The following PIP5KL1 variants were observed in gnomAD, a reference collection of about 807,000 sequenced individuals.
PIP5KL1 encodes phosphatidylinositol-4-phosphate 5-kinase like 1.
In PIP5KL1, 45 loss-of-function variants were observed where a neutral mutation model predicts 47.6. The ratio of observed to expected loss-of-function variants is 0.94; its 90% CI spans 0.74 to 1.21. The LOEUF (loss-of-function observed/expected upper bound fraction) is 1.21, where lower values mean the gene tolerates loss of function less well. PIP5KL1 is among the 50% of genes most tolerant of loss of function. The probability of loss-of-function intolerance (pLI) is 0.00; values close to 1 mark genes in which losing one functional copy is unlikely to be tolerated. For synonymous variants in PIP5KL1, 256 were observed against 234.6 expected, an observed-to-expected ratio of 1.09 and a Z score of -0.84; for missense variants, 577 against 547.6, an observed-to-expected ratio of 1.05 and a Z score of -0.54.
chr9:127,922,063 C>A lies in PIP5KL1; in HGVS notation c.969G>T (p.Arg323=). The A allele has an allele frequency of 6.4e-7, 1 of 1,563,222 alleles. No individual in the cohort carries two copies. Among genetic ancestry groups the A allele is most frequent in the South Asian group, 1.2e-5 (1 of 85,652 alleles). The change falls in exon 10 of 10, where the codon CGG becomes CGT. Residue 323 remains arginine, a synonymous_variant. Transcript: ENST00000388747. ...SPEESRAQNR[R]LLPDAPNALH... ...GGGCGTTGGGGGCGTCGGGCAGCAG[C>A]CGGCGGTTTTGGGCTCTCGACTCTT...
At chr9:127,926,667 C>T (rs1003116633) in intron 7 of PIP5KL1, among the ~76,000 whole-genome samples, 7 of 152,278 alleles carry the variant, frequency 4.6e-5, no homozygotes, top group African/African-American at 1.7e-4. Context: ...CTGCCTGTGC[C>T]TGCCTCTGGA....
intron 9 of PIP5KL1, 133 bp downstream of exon 9, chr9:127,924,974 A>G (rs1831339089): frequency 1.6e-6 from 2 of 1,250,858 alleles, no homozygotes; most frequent in South Asian, 2.8e-5. Context: ...ACGCACACAC[A>G]CACACAAACT....
At chr9:127,925,846 G>A (rs1831354033) in intron 8 of PIP5KL1, 21 bp downstream of exon 8, 1 of 1,586,734 alleles carries the variant, frequency 6.3e-7, no homozygotes, top group Admixed American at 1.7e-5. Flanking sequence ...GGAACAGGCA[G>A]TGGCCACCCC....
Position 127,927,819 on chromosome 9 carries a change from G to A in PIP5KL1, c.435-47C>T. ...TCACTGCCCAGGCCTGGCTGGAGCG[G>A]CTCCCACCCGGCCCCCTTCCCCGAC... On this transcript the variant is annotated intron_variant, in intron 4 of 9. Coordinates refer to ENST00000388747, the MANE Select transcript of PIP5KL1 (RefSeq NM_001135219.2). The surrounding 1 kb of genome is among the most constrained non-coding windows in gnomAD (Gnocchi z 5.5). 6.5e-7 allele frequency: 1 copy of A among 1,530,436 alleles called. No homozygotes were observed. Among genetic ancestry groups the A allele is most frequent in the Non-Finnish European group, 8.8e-7 (1 of 1,142,646 alleles). The allele number at this position is 1,530,436 out of a possible 1,614,324, so 94.8% of individuals were successfully genotyped here.
At chr9:127,928,284 G>A in intron 3 of PIP5KL1, 65 bp from the exon 4 acceptor site, 1 of 1,534,468 alleles carries the variant, frequency 6.5e-7, no homozygotes. Flanking sequence ...AGTTGGTCCT[G>A]GGACAGGAGG....
In PIP5KL1 at chr9:127,927,856, G is replaced by C; in HGVS notation, c.435-84C>G. 1 of 1,506,252 alleles carries C rather than the reference G, an allele frequency of 6.6e-7. No homozygotes were observed. Among genetic ancestry groups the C allele is most frequent in the Non-Finnish European group, 8.8e-7 (1 of 1,134,076 alleles). The allele number at this position is 1,506,252 out of a possible 1,614,324, so 93.3% of individuals were successfully genotyped here. The stretch of plus-strand genomic sequence containing the variant: ...CCCCCTTCCCCGACCTGTGCACGTG[G>C]ATCTCGCTCCCAGGTCTCGGCACCG... On this transcript the variant is annotated intron_variant, in intron 4 of 9. Transcript: ENST00000388747. This position sits in a 1 kb window ranked among gnomAD's most constrained non-coding sequence, Gnocchi z 5.5.
At position 127,927,141 on chromosome 9, in the gene PIP5KL1, T is replaced by C. The variant is rs781741458; in HGVS notation, c.650+12A>G. 6.2e-7 allele frequency: 1 copy of C among 1,606,906 alleles called. No homozygotes were observed. Among genetic ancestry groups the C allele is most frequent in the Non-Finnish European group, 8.5e-7 (1 of 1,175,608 alleles). ...GCTGGGATGGGGGCCCAAACCTGCT[T>C]AGGCCACTCACCTCTCGGAGATGCG... On this transcript the variant is annotated intron_variant, in intron 7 of 9. Transcript: ENST00000388747. This position sits in a 1 kb window ranked among gnomAD's most constrained non-coding sequence, Gnocchi z 5.5.
chr9:127,921,751 C>T lies in PIP5KL1; in HGVS notation c.*96G>A. 1 of 1,438,330 alleles carries T rather than the reference C, an allele frequency of 7.0e-7. No individual in the cohort carries two copies. The highest frequency in any genetic ancestry group is 9.2e-7 in the Non-Finnish European group (1 of 1,088,048). The allele number at this position is 1,438,330 out of a possible 1,614,324, so 89.1% of individuals were successfully genotyped here. On this transcript the variant is annotated 3_prime_UTR_variant, in exon 10 of 10. Transcript: ENST00000388747. ...GGGGATGCTGCCCTCTGGCGACCAT[C>T]AGGAGGAAGCGCAGGCGAGATGCCC... is the stretch of plus-strand genomic sequence containing the variant.
Position 127,929,522 on chromosome 9 carries a change from G to A in PIP5KL1, c.228+166C>T, listed in dbSNP as rs549190093. On this transcript the variant is annotated intron_variant, in intron 2 of 9. Coordinates refer to ENST00000388747, the MANE Select transcript of PIP5KL1 (RefSeq NM_001135219.2). This position sits in a 1 kb window ranked among gnomAD's most constrained non-coding sequence, Gnocchi z 4.0. Reference sequence around the variant, plus strand: ...TCAGGGGGTTCCTCACACCCCCAACGCACCCCAGACGTTCCAGCTCCCACA... The same window carrying A: ...TCAGGGGGTTCCTCACACCCCCAACACACCCCAGACGTTCCAGCTCCCACA... 7.9e-5 allele frequency among the ~76,000 whole-genome samples: 12 copies of A among 151,818 alleles called. No individual in the cohort carries two copies. The highest frequency in any genetic ancestry group is 5.2e-4 in the Admixed American group (8 of 15,268).
In PIP5KL1 at chr9:127,928,055, G is replaced by T; in HGVS notation, c.434+10C>A. 5 of 1,060,414 alleles carry T rather than the reference G, an allele frequency of 4.7e-6. No individual in the cohort carries two copies. Among genetic ancestry groups the T allele is most frequent in the Non-Finnish European group, 6.7e-6 (5 of 742,438 alleles). 65.7% of individuals were successfully genotyped at this position (1,060,414 alleles called of 1,614,324 possible). A position where few individuals can be genotyped will look rare whatever the true frequency, so the allele number is the denominator to read the frequency against. ...CTCCCACCCCTGCCCCACCCCTGCCGCAAGCTCACGACAGGAAGAAGCTGG... is the reference window on the plus strand; with the variant it reads ...CTCCCACCCCTGCCCCACCCCTGCCTCAAGCTCACGACAGGAAGAAGCTGG... On this transcript the variant is annotated intron_variant, in intron 4 of 9. Coordinates refer to ENST00000388747, the MANE Select transcript of PIP5KL1 (RefSeq NM_001135219.2).
Position 127,927,194 on chromosome 9 carries a change from G to A in PIP5KL1, c.609C>T (p.Val203=). 6.2e-7 allele frequency: 1 copy of A among 1,613,188 alleles called. No individual in the cohort carries two copies. Among genetic ancestry groups the A allele is most frequent in the Non-Finnish European group, 8.5e-7 (1 of 1,179,636 alleles). ...CGGCGGGGTAGAAGACGCTCTGCATGACGATGAAGTACGTCTGGGGGCCGG... is the reference window on the plus strand; with the variant it reads ...CGGCGGGGTAGAAGACGCTCTGCATAACGATGAAGTACGTCTGGGGGCCGG... ...VDRGKKTYFI[V]MQSVFYPAGR... is the part of the protein sequence containing the mutation. Residue 203 remains valine (V), a synonymous_variant, in exon 7 of 10, where the codon GTC becomes GTT. Coordinates refer to ENST00000388747, the MANE Select transcript of PIP5KL1 (RefSeq NM_001135219.2). This position sits in a 1 kb window ranked among gnomAD's most constrained non-coding sequence, Gnocchi z 5.5.
rs1459707994 is a variant in PIP5KL1 at position 127,929,378 on chromosome 9, G to T, written c.228+310C>A. On this transcript the variant is annotated intron_variant, in intron 2 of 9. Transcript: ENST00000388747. The surrounding 1 kb of genome is among the most constrained non-coding windows in gnomAD (Gnocchi z 4.0). Reference sequence around the variant, plus strand: ...GGTCCCTTTTCAACCATATACCCTGGCAGGGCTGGGAGGGCCTCAGAAACC... The same window carrying T: ...GGTCCCTTTTCAACCATATACCCTGTCAGGGCTGGGAGGGCCTCAGAAACC... Among the ~76,000 whole-genome samples the T allele has an allele frequency of 6.6e-6, 1 of 151,940 alleles. No homozygotes were observed. The highest frequency in any genetic ancestry group is 1.5e-5 in the Non-Finnish European group (1 of 67,982).
chr9:127,924,427 G>T (rs966191510), intron 9 of PIP5KL1, among the ~76,000 whole-genome samples: 2 of 150,956 alleles, frequency 1.3e-5, no homozygotes, highest in Non-Finnish European at 3.0e-5. Flanking sequence ...AGAGGCGGAG[G>T]TTGTAGTGAG....
rs369606695 is a variant in PIP5KL1 at position 127,928,112 on chromosome 9, G to A, written c.387C>T (p.Tyr129=). The A allele has an allele frequency of 9.6e-6, 15 of 1,570,064 alleles. No homozygotes were observed. The African/African-American group carries it at 1.1e-4, about 11-fold the overall frequency. ...TCTTGGAGGTGCTGAGGAACTGCAGGTAGGGGCCGCCGGGGCCCAGGGCAG... is the reference window on the plus strand; with the variant it reads ...TCTTGGAGGTGCTGAGGAACTGCAGATAGGGGCCGCCGGGGCCCAGGGCAG... ...YQAALGPGGP[Y]LQFLSTSKSK... The change falls in exon 4 of 10, where the codon TAC becomes TAT. Residue 129 remains tyrosine (Y), a synonymous_variant. Coordinates refer to ENST00000388747, the MANE Select transcript of PIP5KL1 (RefSeq NM_001135219.2).
intron 9 of PIP5KL1, 90 bp from the exon 10 acceptor site, chr9:127,922,204 C>T: frequency 7.1e-7 from 1 of 1,401,522 alleles, no homozygotes; most frequent in Non-Finnish European, 9.4e-7. Context: ...GCCCACCCCT[C>T]CACCAGCTCA....
Position 127,927,632 on chromosome 9 carries a change from G to T in PIP5KL1, c.559+16C>A, listed in dbSNP as rs1330976540. On this transcript the variant is annotated intron_variant, in intron 5 of 9. Transcript: ENST00000388747. This position sits in a 1 kb window ranked among gnomAD's most constrained non-coding sequence, Gnocchi z 5.5. ...CTAGGACCCGCCCCCACCGAGCCCCGCCCCCAGCCAAGTACCCAGCAACCG... is the reference window on the plus strand; with the variant it reads ...CTAGGACCCGCCCCCACCGAGCCCCTCCCCCAGCCAAGTACCCAGCAACCG... 3 of 1,096,242 alleles carry T rather than the reference G, an allele frequency of 2.7e-6. No individual in the cohort carries two copies. The highest frequency in any genetic ancestry group is 4.4e-5 in the South Asian group (2 of 45,028). 67.9% of individuals were successfully genotyped at this position (1,096,242 alleles called of 1,614,324 possible).
Position 127,929,850 on chromosome 9 carries a change from T to C in PIP5KL1, c.66A>G (p.Ala22=). 1.3e-6 allele frequency: 2 copies of C among 1,543,866 alleles called. No individual in the cohort carries two copies. The highest frequency in any genetic ancestry group is 1.7e-6 in the Non-Finnish European group (2 of 1,145,344). Residue 22 remains alanine, a synonymous_variant, in exon 2 of 10, where the codon GCA becomes GCG. Coordinates refer to ENST00000388747, the MANE Select transcript of PIP5KL1 (RefSeq NM_001135219.2). The surrounding 1 kb of genome is among the most constrained non-coding windows in gnomAD (Gnocchi z 4.0). ...LAPSPEAGCR[A]VTSSRRGLLW... ...GAAGCCCCCGCCGGCTGGAGGTGAC[T>C]GCTCTGCATCCAGCCTCAGGGGAGG...
Position 127,921,812 on chromosome 9 carries a change from A to T in PIP5KL1, c.*35T>A, listed in dbSNP as rs1001035524. The stretch of plus-strand genomic sequence containing the variant: ...GAACCGGCGTTCCTGGCGTGAGCCC[A>T]TCGTCCAGATCCGGAGAGTGGGGCC... On this transcript the variant is annotated 3_prime_UTR_variant, in exon 10 of 10. Transcript: ENST00000388747. The T allele has an allele frequency of 6.5e-6, 10 of 1,546,420 alleles. No homozygotes were observed. The African/African-American group carries it at 1.1e-4, about 17-fold the overall frequency.
Position 127,928,153 on chromosome 9 carries a change from C to G in PIP5KL1, c.346G>C (p.Glu116Gln). 1 of 1,542,606 alleles carries G rather than the reference C, an allele frequency of 6.5e-7. No homozygotes were observed. The highest frequency in any genetic ancestry group is 8.7e-7 in the Non-Finnish European group (1 of 1,144,770). Residue 116 changes from glutamate to glutamine, a missense_variant, in exon 4 of 10, where the codon GAG (glutamate) becomes CAG (glutamine). Physicochemically the swap from Glu to Gln is conservative, Grantham distance 29. Coordinates refer to ENST00000388747, the MANE Select transcript of PIP5KL1 (RefSeq NM_001135219.2). ...CCCAGGGCAGCCTGATAGTCCTCCTCCGCCAGGCCCAGGGAGCGGCGCAGC... is the reference window on the plus strand; with the variant it reads ...CCCAGGGCAGCCTGATAGTCCTCCTGCGCCAGGCCCAGGGAGCGGCGCAGC... ...AWLRRSLGLA[E>Q]EDYQAALGPG...
Sources: gnomAD v4.1 joint callset for allele counts (sites outside exome capture counted in the v4.1 genomes callset) on GRCh38, gnomAD v4.1.1 for gene constraint, Gnocchi (gnomAD v3.1) non-coding constraint, MANE v1.5 for transcripts, NCBI Gene and HGNC (gene_info 2026-07-23, HGNC 2026-07-21) for gene names.